Variants in KIF1C observed in about 807,000 individuals in gnomAD.
KIF1C encodes the protein kinesin-like protein KIF1C.
In KIF1C, 61 loss-of-function variants were observed where a neutral mutation model predicts 126.5. The observed-to-expected ratio is 0.48, with a 90% confidence interval of 0.39 to 0.60. The LOEUF is 0.60. Ranked by LOEUF, KIF1C falls within the 20% of genes least tolerant of loss-of-function variation. The probability of loss-of-function intolerance (pLI) is 0.00; values close to 1 mark genes in which losing one functional copy is unlikely to be tolerated. For missense variants in KIF1C, 1,315 were observed against 1,489.2 expected (o/e 0.88, Z 1.93); for synonymous variants, 640 against 580.6 (o/e 1.10, Z -1.47).
At position 5,022,797 on chromosome 17, in the gene KIF1C, C is replaced by T. The variant is rs560457416; in HGVS notation, c.2628+88C>T. The T allele has an allele frequency of 1.5e-3, 2,056 of 1,388,942 alleles. 2 individuals are homozygous for T. Among genetic ancestry groups the T allele is most frequent in the South Asian group, 2.0e-3 (107 of 54,424 alleles). The allele number at this position is 1,388,942 out of a possible 1,614,324, so 86.0% of individuals were successfully genotyped here. On this transcript the variant is annotated intron_variant, in intron 22 of 22. Transcript: ENST00000320785. The surrounding 1 kb of genome is among the most constrained non-coding windows in gnomAD (Gnocchi z 4.9). ...CTTCCATCTCAGAGCCTAACCTTCC[C>T]CAAGTCTGGAAAAAATTGCATTGAA...
In KIF1C at chr17:5,007,010, G is replaced by C. The variant is rs1259655283; in HGVS notation, c.1261G>C (p.Gly421Arg). ...VSPSSPTTHN[G>R]ELEPSFSPNT... ...ACCCTCATCACCCACCACACATAAT[G>C]GGGAGCTGGAGCCGTCATTCTCCCC... is the stretch of plus-strand genomic sequence containing the variant. The change falls in exon 14 of 23, where the codon GGG becomes CGG. Residue 421 changes from glycine (G) to arginine (R), a missense_variant. Transcript: ENST00000320785. The C allele has an allele frequency of 6.2e-6, 10 of 1,611,022 alleles. No homozygotes were observed. Among genetic ancestry groups the C allele is most frequent in the African/African-American group, 1.3e-5 (1 of 74,530 alleles).
chr17:5,023,447 T>C lies in KIF1C; in HGVS notation c.2629-21T>C. The C allele has an allele frequency of 6.2e-7, 1 of 1,607,528 alleles. No homozygotes were observed. The highest frequency in any genetic ancestry group is 8.5e-7 in the Non-Finnish European group (1 of 1,175,010). Reference sequence around the variant, plus strand: ...CAGCTCTCCTCACATCCCTTCTCCTTTTCTCACTCCTCCCTCCCAGGATCA... The same window carrying C: ...CAGCTCTCCTCACATCCCTTCTCCTCTTCTCACTCCTCCCTCCCAGGATCA... On this transcript the variant is annotated intron_variant, in intron 22 of 22. Transcript: ENST00000320785. The surrounding 1 kb of genome is among the most constrained non-coding windows in gnomAD (Gnocchi z 4.2).
At chr17:5,021,571 C>T (rs970921797) in intron 21 of KIF1C, among the ~76,000 whole-genome samples, 1 of 152,128 alleles carries the variant, frequency 6.6e-6, no homozygotes, top group Non-Finnish European at 1.5e-5. Flanking sequence ...CCTCGAACTC[C>T]TTGGGTTCAA....
At position 5,003,834 on chromosome 17, in the gene KIF1C, T is replaced by TC. The variant is rs778773063; in HGVS notation, c.799-15dup. 6.2e-7 allele frequency: 1 copy of TC among 1,610,406 alleles called. No homozygotes were observed. Among genetic ancestry groups the TC allele is most frequent in the Non-Finnish European group, 8.5e-7 (1 of 1,176,658 alleles). On this transcript the variant is annotated splice_polypyrimidine_tract_variant and intron_variant, in intron 9 of 22. Transcript: ENST00000320785. ...GGAGAAGAGGGTCTCATCCCCACAT[T>TC]CCTCATCCTTTTCCAGGAAGGAGCC... is the stretch of plus-strand genomic sequence containing the variant.
At position 5,019,983 on chromosome 17, in the gene KIF1C, C is replaced by T. The variant is rs2143378028; in HGVS notation, c.1667-13C>T. On this transcript the variant is annotated splice_polypyrimidine_tract_variant and intron_variant, in intron 18 of 22. Transcript: ENST00000320785. ...GGGTCTAATCTTTCCCCTTCCTCTG[C>T]CCCTCCATTCAGTGGTGGTCACTCT... 1.3e-6 allele frequency: 2 copies of T among 1,590,870 alleles called. No individual in the cohort carries two copies. Among genetic ancestry groups the T allele is most frequent in the Non-Finnish European group, 1.7e-6 (2 of 1,166,748 alleles).
Position 5,024,058 on chromosome 17 carries a change from C to T in KIF1C, c.3219C>T (p.Pro1073=), listed in dbSNP as rs1975154734. Residue 1073 remains proline, a synonymous_variant, in exon 23 of 23, where the codon CCC becomes CCT. Coordinates refer to ENST00000320785, the MANE Select transcript of KIF1C (RefSeq NM_006612.6). ...CCCAACCCTACCCAGCCCAGCGGCC[C>T]CCAGGGCCCCGCTACCCCCCATACA... ...QPPQPYPAQR[P]PGPRYPPYTT... 6.3e-7 allele frequency: 1 copy of T among 1,586,298 alleles called. No homozygotes were observed. The highest frequency in any genetic ancestry group is 8.6e-7 in the Non-Finnish European group (1 of 1,166,578).
chr17:5,002,200 G>A (rs1353268374), intron 6 of KIF1C, 76 bp downstream of exon 6: 3 of 1,374,432 alleles, frequency 2.2e-6, no homozygotes, highest in African/African-American at 1.4e-5. Context: ...AGACAGCCTG[G>A]GATCTAATCC....
At position 5,001,722 on chromosome 17, in the gene KIF1C, T is replaced by C. The variant is rs930975568; in HGVS notation, c.363+321T>C. On this transcript the variant is annotated intron_variant, in intron 5 of 22. Coordinates refer to ENST00000320785, the MANE Select transcript of KIF1C (RefSeq NM_006612.6). The stretch of plus-strand genomic sequence containing the variant: ...AGTATAGTTCTCCTGCAGGCTTGTG[T>C]ACCACCAGCAGAGTGTTAACTGTAG... Among the ~76,000 whole-genome samples, 3 of 152,248 alleles carry C rather than the reference T, an allele frequency of 2.0e-5. No homozygotes were observed. In the South Asian group the frequency reaches 6.2e-4, roughly 31 times the overall value.
At position 5,028,346 on chromosome 17, in the gene KIF1C, G is replaced by A. The variant is rs531204862; in HGVS notation, c.*4195G>A. 2 of 151,718 alleles carry A rather than the reference G, an allele frequency of 1.3e-5. No homozygotes were observed. Among genetic ancestry groups the A allele is most frequent in the Non-Finnish European group, 1.5e-5 (1 of 67,898 alleles). 9.4% of individuals were successfully genotyped at this position (151,718 alleles called of 1,614,324 possible). A position where few individuals can be genotyped will look rare whatever the true frequency, so the allele number is the denominator to read the frequency against. The stretch of plus-strand genomic sequence containing the variant: ...GGTTATTCTTTTAGACATGTTTTTT[G>A]TTGTTGTTGTCACCTGGAACTTTTG... On this transcript the variant is annotated 3_prime_UTR_variant, in exon 23 of 23. Coordinates refer to ENST00000320785, the MANE Select transcript of KIF1C (RefSeq NM_006612.6).
chr17:5,023,960 C>T lies in KIF1C; in HGVS notation c.3121C>T (p.Arg1041Trp), dbSNP rs200388087. ...CTCCCTGGATGGAGGGGGCCGATCC[C>T]GGGGAGCGGGTTCTGCACAGCCTGA... ...RNSLDGGGRS[R>W]GAGSAQPEPQ... is the part of the protein sequence containing the mutation. Residue 1041 changes from arginine (R) to tryptophan (W), a missense_variant, in exon 23 of 23, where the codon CGG (arginine) becomes TGG (tryptophan). By Grantham distance (101) the Arg-to-Trp change is moderately radical. This residue lies in a region of KIF1C where 441 missense variants were observed against 436.1 expected (regional missense o/e 1.01). Coordinates refer to ENST00000320785, the MANE Select transcript of KIF1C (RefSeq NM_006612.6). This position sits in a 1 kb window ranked among gnomAD's most constrained non-coding sequence, Gnocchi z 4.2. 195 of 1,579,048 alleles carry T rather than the reference C, an allele frequency of 1.2e-4. 2 individuals carry two copies. Among genetic ancestry groups the T allele is most frequent in the South Asian group, 9.8e-4 (85 of 87,072 alleles).
chr17:5,023,830 G>A lies in KIF1C; in HGVS notation c.2991G>A (p.Gly997=). 3 of 1,518,410 alleles carry A rather than the reference G, an allele frequency of 2.0e-6. No homozygotes were observed. The highest frequency in any genetic ancestry group is 2.6e-5 in the South Asian group (2 of 75,548). 94.1% of individuals were successfully genotyped at this position (1,518,410 alleles called of 1,614,324 possible). Residue 997 remains glycine (G), a synonymous_variant, in exon 23 of 23, where the codon GGG becomes GGA. Transcript: ENST00000320785. This position sits in a 1 kb window ranked among gnomAD's most constrained non-coding sequence, Gnocchi z 4.2. ...HRESWPGMGS[G]EAPTPLQPPE... ...AGTCTTGGCCAGGGATGGGGAGCGG[G>A]GAGGCTCCAACTCCGCTCCAACCCC...
At position 5,022,605 on chromosome 17, in the gene KIF1C, G is replaced by T; in HGVS notation, c.2524G>T (p.Gly842Trp). The change falls in exon 22 of 23, where the codon GGG (glycine) becomes TGG (tryptophan). Residue 842 changes from glycine to tryptophan, a missense_variant. Coordinates refer to ENST00000320785, the MANE Select transcript of KIF1C (RefSeq NM_006612.6). The surrounding 1 kb of genome is among the most constrained non-coding windows in gnomAD (Gnocchi z 4.9). ...DLRAHIDKLT[G>W]ILQEVKLQNS... ...CCGGGCCCACATCGACAAGCTGACG[G>T]GGATTCTGCAGGAGGTGAAGCTGCA... 6.2e-7 allele frequency: 1 copy of T among 1,606,936 alleles called. No individual in the cohort carries two copies.
At chr17:5,009,372 G>A (rs894857402) in intron 16 of KIF1C, among the ~76,000 whole-genome samples, 5 of 151,910 alleles carry the variant, frequency 3.3e-5, no homozygotes, top group Non-Finnish European at 7.4e-5. Flanking sequence ...GTAGAGATGG[G>A]GTTCACTATG....
At chr17:5,012,636 T>C (rs1345107656) in intron 16 of KIF1C, among the ~76,000 whole-genome samples, 1 of 150,900 alleles carries the variant, frequency 6.6e-6, no homozygotes, top group African/African-American at 2.4e-5. Context: ...CATAGCGAGG[T>C]GTGGGCAGGA....
chr17:5,002,849 TCGCC>T lies in KIF1C; in HGVS notation c.720+9_720+12del. 6.5e-7 allele frequency: 1 copy of T among 1,544,840 alleles called. No individual in the cohort carries two copies. The highest frequency in any genetic ancestry group is 8.8e-7 in the Non-Finnish European group (1 of 1,142,498). On this transcript the variant is annotated splice_region_variant and intron_variant, in intron 8 of 22. Coordinates refer to ENST00000320785, the MANE Select transcript of KIF1C (RefSeq NM_006612.6). ...GGGGCTGGACTCGGAGAAGGTGGGA[TCGCC>T]CCCCCCCCCACTCCCCCACCGGATG...
chr17:5,002,858 C>G lies in KIF1C; in HGVS notation c.720+16C>G, dbSNP rs200057711. 6.5e-5 allele frequency: 102 copies of G among 1,578,562 alleles called. No homozygotes were observed. The East Asian group carries it at 1.1e-3, about 17-fold the overall frequency. On this transcript the variant is annotated intron_variant, in intron 8 of 22. Transcript: ENST00000320785. ...CTCGGAGAAGGTGGGATCGCCCCCC[C>G]CCCCACTCCCCCACCGGATGCAACC...
At chr17:5,012,145 C>G (rs1974880715) in intron 16 of KIF1C, 1 of 152,260 alleles carries the variant, frequency 6.6e-6, no homozygotes, top group Non-Finnish European at 1.5e-5. Context: ...CCCTAGCTGA[C>G]TCTCATTTCC....
At chr17:5,002,330 AGCT>A in intron 6 of KIF1C, 131 bp from the exon 7 acceptor site, 1 of 988,692 alleles carries the variant, frequency 1.0e-6, no homozygotes, top group Non-Finnish European at 1.5e-6. Flanking sequence ...CAGGTCGCTG[AGCT>A]AGCATCTGCA....
chr17:5,024,206 A>C lies in KIF1C; in HGVS notation c.*55A>C. ...GGGCCCCTTGCTAGGAGAAGGGAAG[A>C]CGCCCGAGACGCTGCTTCCCCAGAA... On this transcript the variant is annotated 3_prime_UTR_variant, in exon 23 of 23. Transcript: ENST00000320785. The C allele has an allele frequency of 8.0e-7, 1 of 1,251,312 alleles. No individual in the cohort carries two copies. The highest frequency in any genetic ancestry group is 1.1e-6 in the Non-Finnish European group (1 of 886,084). The allele number at this position is 1,251,312 out of a possible 1,614,324, so 77.5% of individuals were successfully genotyped here.
Sources: gnomAD v4.1 joint callset for allele counts (sites outside exome capture counted in the v4.1 genomes callset) on GRCh38, gnomAD v4.1.1 for gene constraint, gnomAD v4.1.1 regional missense constraint, Gnocchi (gnomAD v3.1) non-coding constraint, MANE v1.5 for transcripts, NCBI Gene and HGNC (gene_info 2026-07-23, HGNC 2026-07-21) for gene names.